A2M: variants seen among roughly 807,000 people sequenced by gnomAD.
A2M encodes C3 and PZP-like alpha-2-macroglobulin domain-containing protein 5.
Under a neutral mutation model 183.9 loss-of-function variants are expected in A2M, and 128 were observed. The observed-to-expected ratio is 0.70, with a 90% confidence interval of 0.60 to 0.81. The LOEUF (loss-of-function observed/expected upper bound fraction) is 0.81. Ranked by LOEUF, A2M falls within the 30% of genes least tolerant of loss-of-function variation. The pLI is 0.00. For synonymous variants in A2M, 592 were observed against 670.8 expected (o/e 0.88, Z 1.81); for missense variants, 1,495 against 1,787.6 (o/e 0.84, Z 2.95).
intron 32 of A2M, 58 bp from the exon 33 acceptor site, chr12:9,069,871 C>T (rs1459051692): frequency 6.3e-5 from 96 of 1,522,156 alleles, no homozygotes; most frequent in Non-Finnish European, 8.7e-5. Flanking sequence ...CTGGGGGATC[C>T]AGAGAAAAAA....
intron 22 of A2M, among the ~76,000 whole-genome samples, chr12:9,085,033 C>T (rs1949014494): frequency 1.3e-5 from 2 of 151,866 alleles, no homozygotes; most frequent in African/African-American, 4.8e-5. Context: ...ATATATAAAA[C>T]AAATATTAAA....
intron 2 of A2M, chr12:9,112,785 C>G (rs1938838187): frequency 2.1e-6 from 1 of 475,174 alleles, no homozygotes; most frequent in African/African-American, 2.0e-5. Flanking sequence ...ATACAGCTCA[C>G]AGAAACAGTC....
At chr12:9,068,431 A>G (rs1486597300) in intron 34 of A2M, among the ~76,000 whole-genome samples, 2 of 152,134 alleles carry the variant, frequency 1.3e-5, no homozygotes, top group Non-Finnish European at 2.9e-5. Flanking sequence ...CTTTTATCCC[A>G]AACTCCTGAA....
At position 9,104,374 on chromosome 12, in the gene A2M, G is replaced by A; in HGVS notation, c.1131C>T (p.Val377=). ...GQVRLVDGKG[V]PIPNKVIFIR... Reference sequence around the variant, plus strand: ...TGAATATGACTTTATTTGGTATAGGGACGCCTTTCCCATCTACTAGGCGCA... The same window carrying A: ...TGAATATGACTTTATTTGGTATAGGAACGCCTTTCCCATCTACTAGGCGCA... Residue 377 remains valine (V), a synonymous_variant, in exon 11 of 36, where the codon GTC becomes GTT. Coordinates refer to ENST00000318602, the MANE Select transcript of A2M (RefSeq NM_000014.6). 1 of 1,597,062 alleles carries A rather than the reference G, an allele frequency of 6.3e-7. No homozygotes were observed. Among genetic ancestry groups the A allele is most frequent in the Non-Finnish European group, 8.5e-7 (1 of 1,170,850 alleles).
At chr12:9,114,185 C>T (rs1392127043) in intron 1 of A2M, among the ~76,000 whole-genome samples, 1 of 152,122 alleles carries the variant, frequency 6.6e-6, no homozygotes, top group African/African-American at 2.4e-5. Flanking sequence ...GACAATGGCT[C>T]CATCCAAAAA....
intron 13 of A2M, among the ~76,000 whole-genome samples, 193 bp downstream of exon 13, chr12:9,100,951 T>C (rs1182654086): frequency 1.3e-5 from 2 of 152,172 alleles, no homozygotes; most frequent in Non-Finnish European, 2.9e-5. Context: ...GGGTACAATG[T>C]ATACTGCTCG....
At chr12:9,107,407 C>A (rs746859549) in intron 8 of A2M, 117 bp downstream of exon 8, 97 of 1,252,678 alleles carry the variant, frequency 7.7e-5, no homozygotes, top group Non-Finnish European at 1.0e-4. Flanking sequence ...ATTACAATAG[C>A]CAACATGGAA....
In A2M at chr12:9,090,399, GT is replaced by G; in HGVS notation, c.2552del (p.Asn851ThrfsTer10). 1 of 1,614,016 alleles carries G rather than the reference GT, an allele frequency of 6.2e-7. No individual in the cohort carries two copies. ...CTGCCCAGGACACAGTTTGCCGCCCGTTTGCACAGATGCAGTGAGGCGCTTG... is the reference window on the plus strand; with the variant it reads ...CTGCCCAGGACACAGTTTGCCGCCCGTTGCACAGATGCAGTGAGGCGCTTG... ...KEQAPHCICA[N>X]GRQTVSWAVT... On this transcript the variant is annotated frameshift_variant, in exon 20 of 36. Transcript: ENST00000318602. LOFTEE classifies it high-confidence loss of function.
chr12:9,112,528 C>T lies in A2M; in HGVS notation c.279G>A (p.Lys93=). Reference sequence around the variant, plus strand: ...ACATTACCTCCTCATTGGATGAAGACTTTGGGACCTGAAATACAGGACCGA... The same window carrying T: ...ACATTACCTCCTCATTGGATGAAGATTTTGGGACCTGAAATACAGGACCGA... The part of the protein sequence containing the change: ...VLHCVAFAVP[K]SSSNEEVMFL... Residue 93 remains lysine (K), a synonymous_variant, in exon 3 of 36, where the codon AAG becomes AAA. Coordinates refer to ENST00000318602, the MANE Select transcript of A2M (RefSeq NM_000014.6). The T allele has an allele frequency of 6.2e-7, 1 of 1,613,646 alleles. No homozygotes were observed. Among genetic ancestry groups the T allele is most frequent in the African/African-American group, 1.3e-5 (1 of 75,016 alleles).
rs139757970 is a variant in A2M, at chr12:9,087,389, A to T, written c.2770+1811T>A. On this transcript the variant is annotated intron_variant, in intron 22 of 35. Coordinates refer to ENST00000318602, the MANE Select transcript of A2M (RefSeq NM_000014.6). The stretch of plus-strand genomic sequence containing the variant: ...GATTAAATCTGGAGGAGATTATGTT[A>T]TGTGAAATAAGCCAGGTATAGGAAA... 2.1e-3 allele frequency among the ~76,000 whole-genome samples: 323 copies of T among 152,310 alleles called. 1 individual carries two copies. The highest frequency in any genetic ancestry group is 3.8e-3 in the Non-Finnish European group (259 of 68,000).
intron 31 of A2M, among the ~76,000 whole-genome samples, chr12:9,071,192 TTTTA>T (rs1948566120): frequency 6.6e-6 from 1 of 152,170 alleles, no homozygotes; most frequent in African/African-American, 2.4e-5. Flanking sequence ...ATGCCAGTTA[TTTTA>T]TTTATTTGTT....
Position 9,098,578 on chromosome 12 carries a change from C to T in A2M, c.1851+29G>A, listed in dbSNP as rs759984569. 154 of 1,575,876 alleles carry T rather than the reference C, an allele frequency of 9.8e-5. 3 individuals are homozygous for T. In the South Asian group the frequency reaches 1.6e-3, roughly 16 times the overall value. On this transcript the variant is annotated intron_variant, in intron 15 of 35. Coordinates refer to ENST00000318602, the MANE Select transcript of A2M (RefSeq NM_000014.6). ...GCTCTGAGCCCCTGGCACGGCCCTT[C>T]TTGATTCCTGAGGCTGCCAGGAACT...
intron 5 of A2M, 137 bp downstream of exon 5, chr12:9,110,177 C>A: frequency 1.0e-5 from 11 of 1,105,426 alleles, no homozygotes; most frequent in South Asian, 9.5e-5. Flanking sequence ...TGAGTTATAG[C>A]CATCTAGCTC....
At chr12:9,095,155 A>G in intron 16 of A2M, 71 bp from the exon 17 acceptor site, 1 of 793,434 alleles carries the variant, frequency 1.3e-6, no homozygotes, top group Non-Finnish European at 1.9e-6. Flanking sequence ...ACTTCTTTTT[A>G]TTGAATTTGA....
At position 9,076,858 on chromosome 12, in the gene A2M, C is replaced by T; in HGVS notation, c.3430G>A (p.Val1144Ile). 1 of 1,613,724 alleles carries T rather than the reference C, an allele frequency of 6.2e-7. No individual in the cohort carries two copies. Among genetic ancestry groups the T allele is most frequent in the South Asian group, 1.1e-5 (1 of 90,986 alleles). The change falls in exon 28 of 36, where the codon GTA becomes ATA. Residue 1144 changes from valine (V) to isoleucine (I), a missense_variant. Physicochemically the swap from Val to Ile is conservative, Grantham distance 29. Transcript: ENST00000318602. ...TAGGCCAGCAGTGCTTTGGTATATACATGGCTGCCATGGTCCCCTTCTTGT... is the reference window on the plus strand; with the variant it reads ...TAGGCCAGCAGTGCTTTGGTATATATATGGCTGCCATGGTCCCCTTCTTGT... ...TAQEGDHGSHVYTKALLAYAF... is the reference protein window; with the variant it reads ...TAQEGDHGSHIYTKALLAYAF...
chr12:9,099,610 T>G, intron 13 of A2M, 87 bp from the exon 14 acceptor site: 1 of 1,430,774 alleles, frequency 7.0e-7, no homozygotes. Context: ...AAACAGTAGA[T>G]GTAACAAATG....
At position 9,115,664 on chromosome 12, in the gene A2M, T is replaced by C. The variant is rs894369719; in HGVS notation, c.86+100A>G. ...GGAAGGAATCTTAGAGATAAGAAGA[T>C]GACAGTATCATAGGAAAGAAAAAGG... On this transcript the variant is annotated intron_variant, in intron 1 of 35. Transcript: ENST00000318602. 3 of 857,676 alleles carry C rather than the reference T, an allele frequency of 3.5e-6. No homozygotes were observed. The Admixed American group carries it at 6.5e-5, about 19-fold the overall frequency. 53.1% of individuals were successfully genotyped at this position (857,676 alleles called of 1,614,324 possible). A position where few individuals can be genotyped will look rare whatever the true frequency, so the allele number is the denominator to read the frequency against.
intron 15 of A2M, among the ~76,000 whole-genome samples, chr12:9,097,054 A>C (rs113436367): frequency 6.6e-6 from 1 of 152,206 alleles, no homozygotes; most frequent in East Asian, 1.9e-4. Flanking sequence ...CTTCTGCTTT[A>C]TTATTAATAA....
intron 2 of A2M, among the ~76,000 whole-genome samples, chr12:9,113,143 T>C (rs1938874239): frequency 6.6e-6 from 1 of 151,044 alleles, no homozygotes; most frequent in South Asian, 2.1e-4. Flanking sequence ...AGGGTTTCTA[T>C]GTGATTATTA....
Sources: gnomAD v4.1 joint callset for allele counts (sites outside exome capture counted in the v4.1 genomes callset) on GRCh38, gnomAD v4.1.1 for gene constraint, MANE v1.5 for transcripts, NCBI Gene and HGNC (gene_info 2026-07-23, HGNC 2026-07-21) for gene names.